OCA2: variants seen among roughly 807,000 people sequenced by gnomAD.
The protein encoded by OCA2 is OCA2 melanosomal transmembrane protein, also known as P protein.
OCA2 carries 77 observed loss-of-function variants against 100.2 expected under a neutral mutation model. The observed-to-expected ratio is 0.77, with a 90% CI of 0.64 to 0.93. The LOEUF is 0.93. Among genes scored for constraint, OCA2 ranks in the 40% least tolerant of loss-of-function variants. The pLI, the probability that OCA2 is intolerant of heterozygous loss-of-function variation, is 0.00. For missense variants in OCA2, 1,062 were observed against 1,089.1 expected (o/e 0.98, Z 0.35); for synonymous variants, 432 against 439.2 (o/e 0.98, Z 0.21).
At chr15:28,053,196 T>C (rs1340098769) in intron 2 of OCA2, among the ~76,000 whole-genome samples, 1 of 152,166 alleles carries the variant, frequency 6.6e-6, no homozygotes, top group African/African-American at 2.4e-5. Flanking sequence ...CACAGCGTCA[T>C]CGTTACAGTC....
intron 23 of OCA2, among the ~76,000 whole-genome samples, chr15:27,764,875 A>G (rs2031130848): frequency 6.6e-6 from 1 of 152,240 alleles, no homozygotes; most frequent in Non-Finnish European, 1.5e-5. Context: ...GTAAAGGAAT[A>G]AAGAATGGCT....
intron 1 of OCA2, among the ~76,000 whole-genome samples, chr15:28,090,767 A>G (rs2044857213): frequency 6.6e-6 from 1 of 152,172 alleles, no homozygotes; most frequent in South Asian, 2.1e-4. Context: ...ATAAGCTCTC[A>G]TCTCAAGAAC....
chr15:28,082,836 TATA>T (rs112383172), intron 1 of OCA2, among the ~76,000 whole-genome samples: 5,635 of 152,250 alleles, frequency 0.037, 297 homozygotes, highest in African/African-American at 0.11. Context: ...CTGGTGAGAA[TATA>T]ATAATACCTA....
intron 18 of OCA2, among the ~76,000 whole-genome samples, chr15:27,951,165 TGA>T (rs1476342279): frequency 6.6e-6 from 1 of 152,140 alleles, no homozygotes; most frequent in African/African-American, 2.4e-5. Flanking sequence ...GAGCTCCCCC[TGA>T]GAGAGCCACA....
At chr15:27,829,279 TGATAGATA>T (rs56223349) in intron 23 of OCA2, among the ~76,000 whole-genome samples, 3,679 of 107,584 alleles carry the variant, frequency 0.034, 158 homozygotes, top group African/African-American at 0.1. Flanking sequence ...AGAAGATAGA[TGATAGATA>T]GATAGATAGA....
rs1177999026 is a variant in OCA2 at position 27,811,061 on chromosome 15, A to AT, written c.2432+33897_2432+33898insA. On this transcript the variant is annotated intron_variant, in intron 23 of 23. Transcript: ENST00000354638. ...AAAGAAGTCATTATATGAAAAAGACACCGTACATGCATGTTTATGGCAGCG... is the reference window on the plus strand; with the variant it reads ...AAAGAAGTCATTATATGAAAAAGACATCCGTACATGCATGTTTATGGCAGCG... Among the ~76,000 whole-genome samples, 5 of 66,726 alleles carry AT rather than the reference A, an allele frequency of 7.5e-5. No homozygotes were observed. The East Asian group carries it at 0.096, about 1,283-fold the overall frequency. 43.8% of individuals were successfully genotyped at this position (66,726 alleles called of 152,430 possible).
At chr15:27,844,864 A>G in intron 23 of OCA2, 95 bp downstream of exon 23, 1 of 905,364 alleles carries the variant, frequency 1.1e-6, no homozygotes, top group Non-Finnish European at 1.8e-6. Flanking sequence ...TGCTAAAAAT[A>G]TGCTTATTTT....
intron 1 of OCA2, among the ~76,000 whole-genome samples, chr15:28,083,092 G>C (rs1191825398): frequency 6.6e-6 from 1 of 152,200 alleles, no homozygotes; most frequent in African/African-American, 2.4e-5. Context: ...GCTGGGGCTG[G>C]AGTTAGCACA....
At chr15:27,992,021 A>C (rs2041571434) in intron 9 of OCA2, among the ~76,000 whole-genome samples, 1 of 152,074 alleles carries the variant, frequency 6.6e-6, no homozygotes, top group Non-Finnish European at 1.5e-5. Context: ...TTTTAAATGT[A>C]AATACCTAAA....
At chr15:28,041,259 A>C (rs202239371) in intron 2 of OCA2, among the ~76,000 whole-genome samples, 5 of 149,678 alleles carry the variant, frequency 3.3e-5, no homozygotes, top group East Asian at 1.9e-4. Flanking sequence ...AAGAAAAAAA[A>C]ACGTGAGCAT....
chr15:27,839,291 A>G (rs2035263896), intron 23 of OCA2, among the ~76,000 whole-genome samples: 4 of 152,240 alleles, frequency 2.6e-5, no homozygotes, highest in Admixed American at 2.0e-4. Flanking sequence ...TAAGAGAGCA[A>G]AAAAGATATA....
the OCA2 span, among the ~76,000 whole-genome samples, chr15:27,732,525 A>C: frequency 6.6e-6 from 1 of 152,112 alleles, no homozygotes; most frequent in Non-Finnish European, 1.5e-5. Flanking sequence ...CTAAGAAGAG[A>C]GACTAGAGTC....
the OCA2 span, among the ~76,000 whole-genome samples, chr15:27,734,761 T>G: frequency 6.6e-6 from 1 of 152,254 alleles, no homozygotes; most frequent in African/African-American, 2.4e-5. Context: ...GCACCAAAAG[T>G]CAGGTCCACC....
chr15:28,014,678 T>TAAGGGAAA (rs1330873358), intron 9 of OCA2, 98 bp downstream of exon 9: 7 of 1,327,638 alleles, frequency 5.3e-6, no homozygotes, highest in Non-Finnish European at 5.3e-6. Context: ...CCAGTTTGAT[T>TAAGGGAAA]AAGGAGTCAG....
intron 19 of OCA2, among the ~76,000 whole-genome samples, chr15:27,872,691 A>T (rs923046449): frequency 1.1e-4 from 16 of 142,516 alleles, no homozygotes; most frequent in Admixed American, 2.8e-4. Flanking sequence ...TAATTTTTTA[A>T]TTTTTTTTTT....
In OCA2 at chr15:28,078,049, A is replaced by G. The variant is rs148398442; in HGVS notation, c.227+3599T>C. ...AGCCGAGATTGCACCACTGCACTCC[A>G]GCCTGGGTGACAACGTTGAATTGAA... On this transcript the variant is annotated intron_variant, in intron 2 of 23. Transcript: ENST00000354638. 5.7e-3 allele frequency among the ~76,000 whole-genome samples: 875 copies of G among 152,382 alleles called. 11 individuals are homozygous for G. Among genetic ancestry groups the G allele is most frequent in the African/African-American group, 0.02 (841 of 41,596 alleles).
intron 23 of OCA2, among the ~76,000 whole-genome samples, chr15:27,829,222 T>C (rs770055780): frequency 1.5e-4 from 23 of 151,856 alleles, no homozygotes; most frequent in Non-Finnish European, 3.1e-4. Flanking sequence ...TATAGATAGA[T>C]AGGTGACAGA....
chr15:27,989,706 C>T (rs776552414), intron 10 of OCA2, 40 bp from the exon 11 acceptor site: 5 of 1,584,180 alleles, frequency 3.2e-6, no homozygotes, highest in South Asian at 1.1e-5. Flanking sequence ...ATCCGTGCGC[C>T]GCCATCCCAG....
intron 19 of OCA2, among the ~76,000 whole-genome samples, chr15:27,892,740 G>GAAAT (rs2037517198): frequency 6.6e-6 from 1 of 152,064 alleles, no homozygotes; most frequent in Admixed American, 6.6e-5. Flanking sequence ...GTTAATATAG[G>GAAAT]ACAATACTAA....
Sources: gnomAD v4.1 joint callset for allele counts (sites outside exome capture counted in the v4.1 genomes callset) on GRCh38, gnomAD v4.1.1 for gene constraint, MANE v1.5 for transcripts, NCBI Gene and HGNC (gene_info 2026-07-23, HGNC 2026-07-21) for gene names.